GATAD2A: variants seen among roughly 807,000 people sequenced by gnomAD.
GATAD2A encodes GATA zinc finger domain containing 2A.
In GATAD2A, 12 loss-of-function variants were observed where a neutral mutation model predicts 68.5. The ratio of observed to expected loss-of-function variants is 0.18; its 90% CI spans 0.11 to 0.28. GATAD2A has a LOEUF of 0.28. Ranked by LOEUF, GATAD2A falls within the 10% of genes least tolerant of loss-of-function variation. GATAD2A has a pLI of 1.00. For missense variants in GATAD2A, 755 were observed against 868.5 expected (o/e 0.87, Z 1.64); for synonymous variants, 410 against 375.3 (o/e 1.09, Z -1.07).
At chr19:19,457,716 G>A (rs959820989) in intron 1 of GATAD2A, among the ~76,000 whole-genome samples, 1 of 151,644 alleles carries the variant, frequency 6.6e-6, no homozygotes. Context: ...ACTCCAGCCT[G>A]GGCAACAGAC....
intron 1 of GATAD2A, chr19:19,436,168 C>G: frequency 7.3e-7 from 1 of 1,366,406 alleles, no homozygotes; most frequent in Non-Finnish European, 9.8e-7. Flanking sequence ...CTTTTGATGT[C>G]ACTGTGGCCA....
chr19:19,488,566 G>A (rs1389017802), intron 2 of GATAD2A, among the ~76,000 whole-genome samples: 2 of 152,246 alleles, frequency 1.3e-5, no homozygotes, highest in African/African-American at 2.4e-5. Context: ...ACCTTTTGCT[G>A]TGGAAGTGGG....
chr19:19,455,288 G>A (rs893900366), intron 1 of GATAD2A, among the ~76,000 whole-genome samples: 32 of 152,052 alleles, frequency 2.1e-4, no homozygotes, highest in African/African-American at 7.7e-4. Flanking sequence ...TCAGGAGTTC[G>A]AGACCAGCCT....
intron 1 of GATAD2A, among the ~76,000 whole-genome samples, chr19:19,409,275 TC>T (rs989240914): frequency 1.3e-5 from 2 of 152,002 alleles, no homozygotes; most frequent in East Asian, 1.9e-4. Flanking sequence ...TCTAGACCTT[TC>T]CCCCCCATAA....
chr19:19,494,600 G>C (rs1226487864), intron 5 of GATAD2A, among the ~76,000 whole-genome samples: 1 of 152,238 alleles, frequency 6.6e-6, no homozygotes, highest in Non-Finnish European at 1.5e-5. Context: ...CACTGTTAAT[G>C]TCACAGACAG....
intron 2 of GATAD2A, among the ~76,000 whole-genome samples, chr19:19,470,221 A>G (rs567486837): frequency 7.2e-5 from 10 of 138,568 alleles, no homozygotes; most frequent in African/African-American, 2.7e-4. Context: ...CACGATCTCC[A>G]CCTCGTGGGT....
chr19:19,464,583 TG>T (rs2057723074), intron 1 of GATAD2A: 1 of 152,306 alleles, frequency 6.6e-6, no homozygotes, highest in African/African-American at 2.4e-5. Context: ...TCTCTCCGAC[TG>T]AATCCTGGGA....
chr19:19,469,762 T>C (rs1025100216), intron 2 of GATAD2A, among the ~76,000 whole-genome samples: 1 of 151,872 alleles, frequency 6.6e-6, no homozygotes. Flanking sequence ...CCCTGGCCAA[T>C]ATGGTGAAAC....
At chr19:19,477,250 C>T (rs1368499652) in intron 2 of GATAD2A, among the ~76,000 whole-genome samples, 2 of 152,156 alleles carry the variant, frequency 1.3e-5, no homozygotes, top group African/African-American at 4.8e-5. Flanking sequence ...AGATGGGAGA[C>T]ATACCAGATG....
Position 19,505,596 on chromosome 19 carries a change from C to A in GATAD2A, c.*122C>A. On this transcript the variant is annotated 3_prime_UTR_variant, in exon 12 of 12. Coordinates refer to ENST00000683918, the MANE Select transcript of GATAD2A (RefSeq NM_001384528.1). ...ACACCGTGCCCGCCCCAAGAGCAAG[C>A]ACCGGCCATGCTGCAGAGGCAAGAC... 1.2e-6 allele frequency: 1 copy of A among 865,914 alleles called. No individual in the cohort carries two copies. The highest frequency in any genetic ancestry group is 1.7e-6 in the Non-Finnish European group (1 of 588,660). The allele number at this position is 865,914 out of a possible 1,614,324, so 53.6% of individuals were successfully genotyped here.
At chr19:19,498,994 G>A (rs914209025) in intron 8 of GATAD2A, among the ~76,000 whole-genome samples, 6 of 152,198 alleles carry the variant, frequency 3.9e-5, no homozygotes, top group Non-Finnish European at 7.4e-5. Context: ...TGGGGTAGAC[G>A]TGAGGGTGCA....
chr19:19,446,442 C>T (rs1178083679), intron 1 of GATAD2A, among the ~76,000 whole-genome samples: 1 of 149,670 alleles, frequency 6.7e-6, no homozygotes, highest in Non-Finnish European at 1.5e-5. Context: ...AGACCCTTAT[C>T]AGGTGTATGA....
intron 1 of GATAD2A, among the ~76,000 whole-genome samples, chr19:19,417,949 G>A (rs537368272): frequency 6.6e-5 from 10 of 152,264 alleles, no homozygotes; most frequent in African/African-American, 2.2e-4. Context: ...GCCTTCCGGG[G>A]TCTTAGAGCC....
In GATAD2A at chr19:19,479,374, G is replaced by A. The variant is rs543348542; in HGVS notation, c.270-12932G>A. On this transcript the variant is annotated intron_variant, in intron 2 of 11. Coordinates refer to ENST00000683918, the MANE Select transcript of GATAD2A (RefSeq NM_001384528.1). ...GACTACAGAACATGTGTCACAAGTA[G>A]TGAGCCAGGGTCCATGTATTATTTT... Among the ~76,000 whole-genome samples the A allele has an allele frequency of 1.8e-3, 268 of 152,322 alleles. 2 individuals are homozygous for A. The highest frequency in any genetic ancestry group is 6.3e-3 in the African/African-American group (260 of 41,574).
chr19:19,489,391 G>A (rs749792073), intron 2 of GATAD2A, among the ~76,000 whole-genome samples: 21 of 152,242 alleles, frequency 1.4e-4, no homozygotes, highest in Non-Finnish European at 2.5e-4. Context: ...TGGTTTTCAC[G>A]TTGGAAGGCA....
chr19:19,464,831 C>T (rs2057741006), intron 1 of GATAD2A: 1 of 182,110 alleles, frequency 5.5e-6, no homozygotes, highest in African/African-American at 2.4e-5. Flanking sequence ...ACCTCCCTTC[C>T]CTGAAGGGGA....
chr19:19,503,757 C>T (rs2060699989), intron 11 of GATAD2A, among the ~76,000 whole-genome samples: 1 of 151,936 alleles, frequency 6.6e-6, no homozygotes, highest in Non-Finnish European at 1.5e-5. Flanking sequence ...GTTGAAAGCA[C>T]CATTTCCTAA....
intron 1 of GATAD2A, among the ~76,000 whole-genome samples, chr19:19,387,836 AC>A (rs1462124670): frequency 6.6e-6 from 1 of 150,714 alleles, no homozygotes; most frequent in Non-Finnish European, 1.5e-5. Flanking sequence ...GAGATATCCC[AC>A]TCCTGTAGGC....
At chr19:19,499,892 G>A (rs2060408490) in intron 8 of GATAD2A, among the ~76,000 whole-genome samples, 1 of 152,220 alleles carries the variant, frequency 6.6e-6, no homozygotes, top group Non-Finnish European at 1.5e-5. Context: ...GGGGAGCTAT[G>A]GGGAGGTGAG....
Sources: gnomAD v4.1 joint callset for allele counts (sites outside exome capture counted in the v4.1 genomes callset) on GRCh38, gnomAD v4.1.1 for gene constraint, MANE v1.5 for transcripts, NCBI Gene and HGNC (gene_info 2026-07-23, HGNC 2026-07-21) for gene names.